Variants in LSM14B observed in about 807,000 individuals in gnomAD.
LSM14B encodes the protein protein LSM14 homolog B.
A neutral mutation model predicts 42.1 loss-of-function variants in LSM14B; 8 were observed. That is an observed-to-expected ratio of 0.19 (90% CI 0.11 to 0.34). The LOEUF (loss-of-function observed/expected upper bound fraction) is 0.34. Among genes scored for constraint, LSM14B ranks in the 10% least tolerant of loss-of-function variants. The pLI, the probability that LSM14B is intolerant of heterozygous loss-of-function variation, is 1.00. For missense variants in LSM14B, 396 were observed against 513.1 expected (o/e 0.77, Z 2.21); for synonymous variants, 219 against 209.7 (o/e 1.04, Z -0.38).
chr20:62,131,837 G>A (rs538661318), intron 7 of LSM14B, among the ~76,000 whole-genome samples: 20 of 152,356 alleles, frequency 1.3e-4, no homozygotes, highest in Non-Finnish European at 1.3e-4. Flanking sequence ...TGCTGGTCCC[G>A]CTGGCCTGGC....
intron 6 of LSM14B, 144 bp from the exon 7 acceptor site, chr20:62,131,209 TAGA>T (rs932654319): frequency 1.3e-5 from 12 of 949,754 alleles, no homozygotes; most frequent in Middle Eastern, 6.6e-4. Context: ...ACTTAGAAGG[TAGA>T]AGAAGAGATT....
intron 3 of LSM14B, chr20:62,127,930 G>T: frequency 1.5e-6 from 1 of 669,010 alleles, no homozygotes; most frequent in South Asian, 1.7e-5. Flanking sequence ...CCTGGGTCCA[G>T]GTTCTCTGTT....
chr20:62,130,207 T>C lies in LSM14B; in HGVS notation c.596-12T>C, dbSNP rs1387035063. The C allele has an allele frequency of 6.3e-7, 1 of 1,588,774 alleles. No individual in the cohort carries two copies. Among genetic ancestry groups the C allele is most frequent in the Non-Finnish European group, 8.6e-7 (1 of 1,167,830 alleles). Reference sequence around the variant, plus strand: ...TAGGAGCTTTGCCTTACTCTTCCCTTTTGCGCCGTAGATGTAGTCCAGCCG... The same window carrying C: ...TAGGAGCTTTGCCTTACTCTTCCCTCTTGCGCCGTAGATGTAGTCCAGCCG... On this transcript the variant is annotated splice_polypyrimidine_tract_variant and intron_variant, in intron 4 of 8. Coordinates refer to ENST00000279068, the MANE Select transcript of LSM14B (RefSeq NM_144703.3). This position sits in a 1 kb window ranked among gnomAD's most constrained non-coding sequence, Gnocchi z 4.1.
rs561791397 is a variant in LSM14B, at chr20:62,134,191, G to A, written c.*43G>A. The stretch of plus-strand genomic sequence containing the variant: ...CCTACTGAAGTGGCGCATAACTGAC[G>A]CTGTGTGTGTCAGGACGCGAGGAAA... On this transcript the variant is annotated 3_prime_UTR_variant, in exon 9 of 9. Coordinates refer to ENST00000279068, the MANE Select transcript of LSM14B (RefSeq NM_144703.3). 32 of 469,950 alleles carry A rather than the reference G, an allele frequency of 6.8e-5. No homozygotes were observed. Among genetic ancestry groups the A allele is most frequent in the Non-Finnish European group, 1.2e-4 (28 of 226,424 alleles). The allele number at this position is 469,950 out of a possible 1,614,324, so 29.1% of individuals were successfully genotyped here.
In LSM14B at chr20:62,130,765, C is replaced by G; in HGVS notation, c.835+74C>G. The G allele has an allele frequency of 1.3e-6, 2 of 1,489,896 alleles. No homozygotes were observed. The highest frequency in any genetic ancestry group is 2.3e-5 in the East Asian group (1 of 43,280). The allele number at this position is 1,489,896 out of a possible 1,614,324, so 92.3% of individuals were successfully genotyped here. A position where few individuals can be genotyped will look rare whatever the true frequency, so the allele number is the denominator to read the frequency against. On this transcript the variant is annotated intron_variant, in intron 6 of 8. Coordinates refer to ENST00000279068, the MANE Select transcript of LSM14B (RefSeq NM_144703.3). The surrounding 1 kb of genome is among the most constrained non-coding windows in gnomAD (Gnocchi z 4.1). ...AGAGTGTTAGGAGGAGATGCCTGGC[C>G]GGGTGTGGTGGTTCACGCCTGTAAT...
chr20:62,124,907 C>A, intron 2 of LSM14B, 127 bp downstream of exon 2: 4 of 1,036,980 alleles, frequency 3.9e-6, no homozygotes, highest in Non-Finnish European at 5.4e-6. Context: ...TTTGAGGCAG[C>A]GTCTCGCTGT....
rs3215746 is a variant in LSM14B at position 62,128,825 on chromosome 20, A to AT, written c.428-950dup. On this transcript the variant is annotated intron_variant, in intron 3 of 8. Coordinates refer to ENST00000279068, the MANE Select transcript of LSM14B (RefSeq NM_144703.3). ...GTTACAAGGAATTTTTCTACAGTCA[A>AT]TTTTTTTTTTCATTTCTATTCCGTA... The AT allele has an allele frequency of 7.9e-3, 5,211 of 659,808 alleles. 1 individual carries two copies. The highest frequency in any genetic ancestry group is 9.1e-3 in the Non-Finnish European group (4,114 of 452,312). The allele number at this position is 659,808 out of a possible 1,614,324, so 40.9% of individuals were successfully genotyped here.
At chr20:62,127,447 G>T (rs6089656) in intron 3 of LSM14B, 481,482 of 643,516 alleles carry the variant, frequency 0.75, 185,421 homozygotes, top group East Asian at 0.8. Flanking sequence ...CAGCTCTCTG[G>T]GTTTCTAAAA....
intron 1 of LSM14B, 123 bp from the exon 2 acceptor site, chr20:62,124,494 G>A (rs933211791): frequency 1.1e-6 from 1 of 951,982 alleles, no homozygotes; most frequent in Non-Finnish European, 1.6e-6. Context: ...ATGTGGACCT[G>A]GGGTGCTGTG....
chr20:62,130,058 T>G lies in LSM14B; in HGVS notation c.595+106T>G. 1.4e-6 allele frequency: 2 copies of G among 1,413,942 alleles called. No homozygotes were observed. The highest frequency in any genetic ancestry group is 1.9e-6 in the Non-Finnish European group (2 of 1,058,502). 87.6% of individuals were successfully genotyped at this position (1,413,942 alleles called of 1,614,324 possible). A position where few individuals can be genotyped will look rare whatever the true frequency, so the allele number is the denominator to read the frequency against. ...TAATTAAAAAAATACTACTCCCCCA[T>G]CCTAAGCCCCATGTGCTTTTGCAGG... On this transcript the variant is annotated intron_variant, in intron 4 of 8. Coordinates refer to ENST00000279068, the MANE Select transcript of LSM14B (RefSeq NM_144703.3). The surrounding 1 kb of genome is among the most constrained non-coding windows in gnomAD (Gnocchi z 4.1).
intron 1 of LSM14B, chr20:62,123,321 C>T (rs866642787): frequency 1.3e-5 from 2 of 152,366 alleles, no homozygotes; most frequent in African/African-American, 4.8e-5. Context: ...TATTAGACAG[C>T]TGGGGCCTTG....
chr20:62,129,695 C>T (rs1449489075), intron 3 of LSM14B, 90 bp from the exon 4 acceptor site: 6 of 1,375,424 alleles, frequency 4.4e-6, no homozygotes, highest in Non-Finnish European at 5.8e-6. Context: ...CCTTTCCTTC[C>T]TGACATGCCA....
Position 62,130,181 on chromosome 20 carries a change from A to C in LSM14B, c.596-38A>C, listed in dbSNP as rs775819711. 10 of 1,562,116 alleles carry C rather than the reference A, an allele frequency of 6.4e-6. No homozygotes were observed. Among genetic ancestry groups the C allele is most frequent in the African/African-American group, 5.4e-5 (4 of 73,500 alleles). Reference sequence around the variant, plus strand: ...AGCTGGGTTCTGGCTTCCGGCTGCTATAGGAGCTTTGCCTTACTCTTCCCT... The same window carrying C: ...AGCTGGGTTCTGGCTTCCGGCTGCTCTAGGAGCTTTGCCTTACTCTTCCCT... On this transcript the variant is annotated intron_variant, in intron 4 of 8. Coordinates refer to ENST00000279068, the MANE Select transcript of LSM14B (RefSeq NM_144703.3). This position sits in a 1 kb window ranked among gnomAD's most constrained non-coding sequence, Gnocchi z 4.1.
At chr20:62,125,318 G>A (rs2056560264) in intron 2 of LSM14B, among the ~76,000 whole-genome samples, 1 of 152,232 alleles carries the variant, frequency 6.6e-6, no homozygotes, top group Non-Finnish European at 1.5e-5. Flanking sequence ...GCGACCTGGG[G>A]AGTTGGGTGT....
intron 1 of LSM14B, chr20:62,123,325 G>T (rs991355956): frequency 2.6e-5 from 4 of 152,342 alleles, no homozygotes; most frequent in Non-Finnish European, 5.9e-5. Flanking sequence ...AGACAGCTGG[G>T]GCCTTGATCC....
At chr20:62,133,197 G>C (rs1443715824) in intron 7 of LSM14B, 93 bp from the exon 8 acceptor site, 11 of 1,493,634 alleles carry the variant, frequency 7.4e-6, no homozygotes, top group Non-Finnish European at 8.1e-6. Flanking sequence ...TGGTGAGTCT[G>C]TCCCTCCTTC....
rs974747279 is a variant in LSM14B, at chr20:62,130,765, C to T, written c.835+74C>T. ...AGAGTGTTAGGAGGAGATGCCTGGC[C>T]GGGTGTGGTGGTTCACGCCTGTAAT... On this transcript the variant is annotated intron_variant, in intron 6 of 8. Coordinates refer to ENST00000279068, the MANE Select transcript of LSM14B (RefSeq NM_144703.3). This position sits in a 1 kb window ranked among gnomAD's most constrained non-coding sequence, Gnocchi z 4.1. The T allele has an allele frequency of 1.4e-5, 21 of 1,489,778 alleles. No individual in the cohort carries two copies. In the East Asian group the frequency reaches 2.1e-4, roughly 15 times the overall value. The allele number at this position is 1,489,778 out of a possible 1,614,324, so 92.3% of individuals were successfully genotyped here.
chr20:62,133,284 G>A lies in LSM14B; in HGVS notation c.987-6G>A. On this transcript the variant is annotated splice_region_variant and splice_polypyrimidine_tract_variant and intron_variant, in intron 7 of 8. Coordinates refer to ENST00000279068, the MANE Select transcript of LSM14B (RefSeq NM_144703.3). ...TGCTACAATCAGCATTTCCTCTGTG[G>A]TTTAGCTCCAGGCGGACGACGTGGG... 1 of 1,613,054 alleles carries A rather than the reference G, an allele frequency of 6.2e-7. No individual in the cohort carries two copies. The highest frequency in any genetic ancestry group is 8.5e-7 in the Non-Finnish European group (1 of 1,179,502).
rs558097954 is a variant in LSM14B, at chr20:62,130,023, T to C, written c.595+71T>C. 1.4e-6 allele frequency: 2 copies of C among 1,446,814 alleles called. No individual in the cohort carries two copies. The highest frequency in any genetic ancestry group is 2.8e-5 in the South Asian group (2 of 70,264). 89.6% of individuals were successfully genotyped at this position (1,446,814 alleles called of 1,614,324 possible). ...GTGGCACACTACTTCCTGGGCTATT[T>C]TTTTTTTTTTAATTAAAAAAATACT... On this transcript the variant is annotated intron_variant, in intron 4 of 8. Coordinates refer to ENST00000279068, the MANE Select transcript of LSM14B (RefSeq NM_144703.3). The surrounding 1 kb of genome is among the most constrained non-coding windows in gnomAD (Gnocchi z 4.1).
Sources: allele counts gnomAD v4.1 joint callset (sites outside exome capture counted in the v4.1 genomes callset), GRCh38; gene constraint gnomAD v4.1.1; non-coding constraint Gnocchi (gnomAD v3.1); transcripts MANE v1.5; gene names NCBI Gene and HGNC (gene_info 2026-07-23, HGNC 2026-07-21).